NTRK3: variants seen among roughly 807,000 people sequenced by gnomAD.
NTRK3 encodes neurotrophic receptor tyrosine kinase 3.
In NTRK3, 24 loss-of-function variants were observed where a neutral mutation model predicts 91.7. That is an observed-to-expected ratio of 0.26 (90% CI 0.19 to 0.37). The LOEUF (loss-of-function observed/expected upper bound fraction) is 0.37. NTRK3 is among the 10% of genes least tolerant of loss of function. NTRK3 has a pLI of 1.00. For missense variants in NTRK3, 880 were observed against 1,068.9 expected (o/e 0.82, Z 2.46); for synonymous variants, 483 against 404.0 (o/e 1.20, Z -2.34).
exon 15 of NTRK3, chr15:87,940,657 C>T: frequency 1.2e-6 from 2 of 1,614,110 alleles, no homozygotes; most frequent in Admixed American, 3.3e-5. Flanking sequence ...CTTGGTCGGG[C>T]TGAGGTTGTA....
At chr15:88,135,757 T>G (rs747277981) in intron 9 of NTRK3, 142 bp downstream of exon 9, 3 of 1,138,766 alleles carry the variant, frequency 2.6e-6, no homozygotes, top group Non-Finnish European at 3.8e-6. Flanking sequence ...TTCTCAGTCC[T>G]GCCCTACAAG....
At chr15:88,061,889 C>A (rs574922098) in intron 13 of NTRK3, among the ~76,000 whole-genome samples, 44 of 152,278 alleles carry the variant, frequency 2.9e-4, no homozygotes, top group East Asian at 1.6e-3. Flanking sequence ...AGCCTCAGGC[C>A]CCTTATCCAT....
intron 17 of NTRK3, among the ~76,000 whole-genome samples, chr15:87,925,194 C>T (rs773407859): frequency 6.6e-6 from 1 of 152,176 alleles, no homozygotes; most frequent in African/African-American, 2.4e-5. Flanking sequence ...GAAGAGAGAA[C>T]AAATCGCTCT....
chr15:87,919,244 A>G lies in NTRK3; in HGVS notation c.2133+9947T>C, dbSNP rs2067675129. 3.3e-5 allele frequency among the ~76,000 whole-genome samples: 5 copies of G among 152,108 alleles called. 1 individual carries two copies. In the South Asian group the frequency reaches 8.3e-4, roughly 25 times the overall value. ...ACTGAATCTAGGCTTCTTGGCTTCT[A>G]CTCCTGCATTCTAGTTCCCACATTT... On this transcript the variant is annotated intron_variant, in intron 17 of 18. Coordinates refer to ENST00000394480, the Ensembl canonical transcript of NTRK3.
chr15:88,196,553 T>G (rs944079799), intron 3 of NTRK3, among the ~76,000 whole-genome samples: 1 of 152,230 alleles, frequency 6.6e-6, no homozygotes, highest in Non-Finnish European at 1.5e-5. Context: ...ATATTCACCC[T>G]TGTTATCTGT....
chr15:87,963,327 C>G (rs1202834950), intron 14 of NTRK3, among the ~76,000 whole-genome samples: 1 of 152,128 alleles, frequency 6.6e-6, no homozygotes, highest in African/African-American at 2.4e-5. Flanking sequence ...TCCAAGTTTT[C>G]AAACACAGGG....
intron 5 of NTRK3, among the ~76,000 whole-genome samples, chr15:88,153,986 C>T (rs1308935591): frequency 1.3e-5 from 2 of 151,718 alleles, no homozygotes; most frequent in East Asian, 1.9e-4. Flanking sequence ...ACACACCATA[C>T]CAGGATTCTT....
chr15:88,059,923 G>A (rs950057958), intron 13 of NTRK3, among the ~76,000 whole-genome samples: 10 of 152,208 alleles, frequency 6.6e-5, no homozygotes, highest in Admixed American at 4.6e-4. Context: ...AAGGCCATGT[G>A]AAGATACAAT....
At chr15:87,976,171 C>G (rs963830671) in intron 14 of NTRK3, among the ~76,000 whole-genome samples, 1 of 152,152 alleles carries the variant, frequency 6.6e-6, no homozygotes, top group Non-Finnish European at 1.5e-5. Context: ...CCAGGACAGC[C>G]TCAACCCTTC....
intron 3 of NTRK3, among the ~76,000 whole-genome samples, chr15:88,254,605 T>C (rs1298247687): frequency 1.3e-5 from 2 of 152,134 alleles, no homozygotes; most frequent in African/African-American, 4.8e-5. Context: ...CTGCAATTCC[T>C]CCAGGCTTTG....
intron 13 of NTRK3, among the ~76,000 whole-genome samples, chr15:88,079,683 A>C (rs984142888): frequency 6.6e-6 from 1 of 152,240 alleles, no homozygotes; most frequent in East Asian, 1.9e-4. Context: ...AATTCCACTT[A>C]CATGAACTGA....
At chr15:88,004,760 G>A (rs1253683244) in intron 14 of NTRK3, among the ~76,000 whole-genome samples, 1 of 152,182 alleles carries the variant, frequency 6.6e-6, no homozygotes, top group Admixed American at 6.5e-5. Flanking sequence ...TAAAAGCTCT[G>A]TGAGACTCAC....
chr15:87,863,992 C>T (rs62019180), exon 19 of NTRK3: 2,632 of 150,448 alleles, frequency 0.017, no homozygotes, highest in East Asian at 0.037. Flanking sequence ...CACACACACA[C>T]ATACACACAC....
intron 17 of NTRK3, among the ~76,000 whole-genome samples, chr15:87,882,352 A>G (rs2065299827): frequency 6.6e-6 from 1 of 152,218 alleles, no homozygotes; most frequent in Non-Finnish European, 1.5e-5. Context: ...TTGAATACAT[A>G]TTCTAGAAAA....
intron 13 of NTRK3, among the ~76,000 whole-genome samples, chr15:88,107,674 C>T (rs2050865346): frequency 6.6e-6 from 1 of 152,090 alleles, no homozygotes; most frequent in Non-Finnish European, 1.5e-5. Context: ...GAGCCCAAGG[C>T]CTATCCATTT....
intron 3 of NTRK3, among the ~76,000 whole-genome samples, chr15:88,229,515 C>T (rs1247552061): frequency 6.6e-6 from 1 of 152,146 alleles, no homozygotes; most frequent in African/African-American, 2.4e-5. Context: ...TGGATGCCTT[C>T]GTCACTCCCA....
intron 17 of NTRK3, among the ~76,000 whole-genome samples, chr15:87,904,634 G>C (rs1253685855): frequency 6.6e-6 from 1 of 152,162 alleles, no homozygotes; most frequent in Non-Finnish European, 1.5e-5. Flanking sequence ...TGTGTCTAAG[G>C]CATGGGTATT....
intron 5 of NTRK3, 109 bp from the exon 6 acceptor site, chr15:88,147,512 CT>C: frequency 7.0e-6 from 2 of 287,406 alleles, no homozygotes; most frequent in Middle Eastern, 7.7e-4. Context: ...TTTCCTTCTT[CT>C]TCTTCTTCTT....
chr15:87,884,108 C>A (rs1175081827), intron 17 of NTRK3, among the ~76,000 whole-genome samples: 7 of 139,640 alleles, frequency 5.0e-5, no homozygotes, highest in African/African-American at 1.6e-4. Context: ...AACAGCCAGC[C>A]AAAAGGAAAA....
Sources: gnomAD v4.1 joint callset for allele counts (sites outside exome capture counted in the v4.1 genomes callset) on GRCh38, gnomAD v4.1.1 for gene constraint, MANE v1.5 for transcripts, NCBI Gene and HGNC (gene_info 2026-07-23, HGNC 2026-07-21) for gene names.